Variants in PTPRT observed in about 807,000 individuals in gnomAD.
PTPRT encodes protein tyrosine phosphatase receptor type T.
Under a neutral mutation model 176.8 loss-of-function variants are expected in PTPRT, and 56 were observed. The ratio of observed to expected loss-of-function variants is 0.32; its 90% CI spans 0.26 to 0.40. The LOEUF (loss-of-function observed/expected upper bound fraction) is 0.40, where lower values mean the gene tolerates loss of function less well. PTPRT is among the 10% of genes least tolerant of loss of function. PTPRT has a pLI of 1.00. For synonymous variants in PTPRT, 783 were observed against 739.0 expected (o/e 1.06, Z -0.96); for missense variants, 1,540 against 1,908.2 (o/e 0.81, Z 3.60).
intron 12 of PTPRT, among the ~76,000 whole-genome samples, chr20:42,315,184 C>CAAAAA (rs71193656): frequency 4.7e-5 from 3 of 63,400 alleles, no homozygotes; most frequent in African/African-American, 2.1e-4. Context: ...GGCTCCGTCT[C>CAAAAA]AAAAAAAAAA....
At chr20:43,051,209 C>T (rs1345434836) in intron 1 of PTPRT, among the ~76,000 whole-genome samples, 1 of 152,218 alleles carries the variant, frequency 6.6e-6, no homozygotes, top group Non-Finnish European at 1.5e-5. Context: ...AGACTTCCTA[C>T]ATATATGTGC....
At chr20:42,645,000 A>C (rs958168574) in intron 7 of PTPRT, among the ~76,000 whole-genome samples, 2 of 152,328 alleles carry the variant, frequency 1.3e-5, no homozygotes, top group Middle Eastern at 3.4e-3. Context: ...GCCAAGGCTC[A>C]TGAAGTGGTT....
chr20:42,094,948 C>T (rs137897953), intron 27 of PTPRT, among the ~76,000 whole-genome samples: 1 of 152,122 alleles, frequency 6.6e-6, no homozygotes, highest in East Asian at 1.9e-4. Flanking sequence ...TAACTCGTGG[C>T]CTCAACTCCT....
intron 9 of PTPRT, among the ~76,000 whole-genome samples, chr20:42,427,682 C>T (rs1288612249): frequency 6.6e-6 from 1 of 152,168 alleles, no homozygotes; most frequent in Non-Finnish European, 1.5e-5. Context: ...TGAGCCCAGG[C>T]CAGGCCATCG....
chr20:43,107,558 A>G, intron 1 of PTPRT, among the ~76,000 whole-genome samples: 1 of 152,208 alleles, frequency 6.6e-6, no homozygotes, highest in Non-Finnish European at 1.5e-5. Context: ...TTACATCAAG[A>G]TCAGCCTCCT....
chr20:42,073,036 T>C lies in PTPRT; in HGVS notation c.*7843A>G. 4.5e-6 allele frequency: 1 copy of C among 221,950 alleles called. No individual in the cohort carries two copies. The highest frequency in any genetic ancestry group is 9.0e-6 in the Non-Finnish European group (1 of 110,616). 13.7% of individuals were successfully genotyped at this position (221,950 alleles called of 1,614,324 possible). On this transcript the variant is annotated 3_prime_UTR_variant, in exon 31 of 31. Coordinates refer to ENST00000373187, the MANE Select transcript of PTPRT (RefSeq NM_007050.6). ...TAAAAAGTTGATTTATTTTGTTTTC[T>C]CTTCTCATACGTGCTTTATCTATCA... is the stretch of plus-strand genomic sequence containing the variant.
chr20:42,519,011 C>G (rs555304326), intron 7 of PTPRT, among the ~76,000 whole-genome samples: 13 of 152,022 alleles, frequency 8.6e-5, no homozygotes, highest in Non-Finnish European at 1.8e-4. Flanking sequence ...TTAACATCTT[C>G]CAAAACTATG....
At position 42,161,502 on chromosome 20, in the gene PTPRT, C is replaced by G; in HGVS notation, c.2532G>C (p.Thr844=). Residue 844 remains threonine (T), a synonymous_variant, in exon 17 of 31, where the codon ACG becomes ACC. Coordinates refer to ENST00000373187, the MANE Select transcript of PTPRT (RefSeq NM_007050.6). ...AGGTGCGGTAGGGATGAGTCTGGAT[C>G]GTGAGGGTGGGCTGGGAAAGCTCCC... is the stretch of plus-strand genomic sequence containing the variant. ...SRGELSQPTL[T]IQTHPYRTCD... 6.2e-7 allele frequency: 1 copy of G among 1,613,010 alleles called. No homozygotes were observed. The highest frequency in any genetic ancestry group is 8.5e-7 in the Non-Finnish European group (1 of 1,179,432).
intron 18 of PTPRT, among the ~76,000 whole-genome samples, chr20:42,134,468 G>A (rs1430573973): frequency 6.6e-6 from 1 of 152,178 alleles, no homozygotes; most frequent in African/African-American, 2.4e-5. Context: ...AGAGCTGGCT[G>A]TGGCGAGGAG....
intron 9 of PTPRT, among the ~76,000 whole-genome samples, chr20:42,418,784 A>G (rs1369794963): frequency 1.3e-5 from 2 of 151,940 alleles, no homozygotes; most frequent in Non-Finnish European, 2.9e-5. Flanking sequence ...TGCAGCACAT[A>G]CCCCAGTCTT....
At chr20:42,818,263 C>T (rs2077825805) in intron 2 of PTPRT, among the ~76,000 whole-genome samples, 1 of 151,950 alleles carries the variant, frequency 6.6e-6, no homozygotes, top group Admixed American at 6.6e-5. Context: ...CCCCAGCAAA[C>T]TGCAGAAGCC....
chr20:42,049,164 C>G, the PTPRT span, among the ~76,000 whole-genome samples: 1 of 152,240 alleles, frequency 6.6e-6, no homozygotes, highest in Non-Finnish European at 1.5e-5. Context: ...GGAATAGCCA[C>G]TAGCCCTGTG....
intron 24 of PTPRT, among the ~76,000 whole-genome samples, chr20:42,105,555 T>A (rs1454799963): frequency 6.6e-6 from 1 of 152,216 alleles, no homozygotes; most frequent in Non-Finnish European, 1.5e-5. Flanking sequence ...GTTGAGTGAC[T>A]TTTTCTGCAG....
rs75458950 is a variant in PTPRT at position 42,424,196 on chromosome 20, G to A, written c.1560+24024C>T. Among the ~76,000 whole-genome samples, 3 of 151,964 alleles carry A rather than the reference G, an allele frequency of 2.0e-5. No individual in the cohort carries two copies. In the East Asian group the frequency reaches 5.8e-4, roughly 29 times the overall value. ...ACATTTTTGTTCTTGTCATGACTTT[G>A]GACACTCAAGTTTTCCAAACCTCAA... On this transcript the variant is annotated intron_variant, in intron 9 of 30. Transcript: ENST00000373187.
intron 1 of PTPRT, among the ~76,000 whole-genome samples, chr20:42,991,226 GCT>G (rs1019005923): frequency 6.6e-6 from 1 of 152,090 alleles, no homozygotes; most frequent in African/African-American, 2.4e-5. Context: ...CCTTTCCCAT[GCT>G]AATGAAATAA....
intron 11 of PTPRT, among the ~76,000 whole-genome samples, chr20:42,350,224 T>TTGTTGTTG (rs1555830516): frequency 3.9e-5 from 1 of 25,620 alleles, no homozygotes; most frequent in African/African-American, 1.2e-4. Context: ...GTTTTTTTTT[T>TTGTTGTTG]TTTTTTTTTT....
intron 1 of PTPRT, among the ~76,000 whole-genome samples, chr20:42,982,815 C>G (rs896867574): frequency 6.6e-6 from 1 of 152,186 alleles, no homozygotes. Context: ...TCTTATGACA[C>G]GGAGAGCAGA....
At chr20:42,201,716 G>T (rs1442363821) in intron 15 of PTPRT, among the ~76,000 whole-genome samples, 1 of 135,222 alleles carries the variant, frequency 7.4e-6, no homozygotes, top group African/African-American at 2.9e-5. Flanking sequence ...ACCTGACAGG[G>T]AGAGAACCAG....
At chr20:42,380,523 G>A (rs149200618) in intron 9 of PTPRT, among the ~76,000 whole-genome samples, 62 of 152,344 alleles carry the variant, frequency 4.1e-4, no homozygotes, top group African/African-American at 1.3e-3. Flanking sequence ...AACAGAGAAT[G>A]TGTCTCCCTC....
Sources: gnomAD v4.1 joint callset for allele counts (sites outside exome capture counted in the v4.1 genomes callset) on GRCh38, gnomAD v4.1.1 for gene constraint, MANE v1.5 for transcripts, NCBI Gene and HGNC (gene_info 2026-07-23, HGNC 2026-07-21) for gene names.